Variants in RIPK2 observed in about 807,000 individuals in gnomAD.
RIPK2 encodes the protein receptor-interacting serine/threonine-protein kinase 2.
Under a neutral mutation model 60.9 loss-of-function variants are expected in RIPK2, and 38 were observed. That is an observed-to-expected ratio of 0.62 (90% CI 0.48 to 0.82). RIPK2 has a LOEUF of 0.82. Among genes scored for constraint, RIPK2 ranks in the 40% least tolerant of loss-of-function variants. The pLI is 0.00. For synonymous variants in RIPK2, 225 were observed against 223.4 expected, an observed-to-expected ratio of 1.01 and a Z score of -0.06; for missense variants, 518 against 647.0, an observed-to-expected ratio of 0.80 and a Z score of 2.16.
intron 1 of RIPK2, 108 bp from the exon 2 acceptor site, chr8:89,762,721 A>G: frequency 7.8e-6 from 4 of 510,076 alleles, no homozygotes; most frequent in Non-Finnish European, 1.3e-5. Flanking sequence ...CATAATTTAC[A>G]TGAGGTCACA....
rs1238263026 is a variant in RIPK2, at chr8:89,758,000, G to GT, written c.-61_-60insT. On this transcript the variant is annotated 5_prime_UTR_variant, in exon 1 of 11. Coordinates refer to ENST00000220751, the MANE Select transcript of RIPK2 (RefSeq NM_003821.6). ...TATCTGGGCGCCTGAGCGCGGCGTG[G>GT]GAGCCTTGGGAGCCGCCGCAGCAGG... is the stretch of plus-strand genomic sequence containing the variant. 1 of 1,471,492 alleles carries GT rather than the reference G, an allele frequency of 6.8e-7. No individual in the cohort carries two copies. The highest frequency in any genetic ancestry group is 1.4e-5 in the African/African-American group (1 of 70,342). 91.2% of individuals were successfully genotyped at this position (1,471,492 alleles called of 1,614,324 possible).
rs1353304264 is a variant in RIPK2 at position 89,772,714 on chromosome 8, C to A, written c.739C>A (p.Arg247=). 18 of 1,611,108 alleles carry A rather than the reference C, an allele frequency of 1.1e-5. No homozygotes were observed. Among genetic ancestry groups the A allele is most frequent in the Non-Finnish European group, 1.5e-5 (18 of 1,177,928 alleles). Residue 247 remains arginine (R), a synonymous_variant, in exon 6 of 11, where the codon CGA becomes AGA. Coordinates refer to ENST00000220751, the MANE Select transcript of RIPK2 (RefSeq NM_003821.6). The part of the protein sequence containing the change: ...QIMYSVSQGH[R]PVINEESLPY... ...AATGTATAGTGTGTCACAAGGACAT[C>A]GACCTGTTATTAATGAAGAAAGTTT...
intron 8 of RIPK2, among the ~76,000 whole-genome samples, chr8:89,785,970 C>G (rs1490012703): frequency 1.3e-5 from 2 of 152,132 alleles, no homozygotes; most frequent in Admixed American, 6.5e-5. Flanking sequence ...TGTAGGAGAC[C>G]AGACTTGCAG....
Position 89,762,833 on chromosome 8 carries a change from A to T in RIPK2, c.178A>T (p.Arg60Ter). The change falls in exon 2 of 11, where the codon AGA becomes TGA. Residue 60 changes from arginine to a stop codon, truncating the protein, a stop_gained. Transcript: ENST00000220751. LOFTEE classifies it high-confidence loss of function. Reference protein sequence around the residue: ...HIHTPLLDSERKDVLREAEIL... With the variant: ...HIHTPLLDSE ...TTATGCATTTTTTTTTCTTAGTGAA[A>T]GAAAGGATGTCTTAAGAGAAGCTGA... is the stretch of plus-strand genomic sequence containing the variant. The T allele has an allele frequency of 7.2e-7, 1 of 1,388,382 alleles. No individual in the cohort carries two copies. The highest frequency in any genetic ancestry group is 9.6e-7 in the Non-Finnish European group (1 of 1,039,160). The allele number at this position is 1,388,382 out of a possible 1,614,324, so 86.0% of individuals were successfully genotyped here.
intron 1 of RIPK2, among the ~76,000 whole-genome samples, chr8:89,762,556 C>T (rs367957635): frequency 7.9e-5 from 12 of 152,026 alleles, no homozygotes; most frequent in African/African-American, 2.7e-4. Flanking sequence ...TTTCCCATTC[C>T]TGGGATAAGT....
chr8:89,766,726 G>A (rs907787201), intron 3 of RIPK2, among the ~76,000 whole-genome samples: 2 of 151,422 alleles, frequency 1.3e-5, no homozygotes, highest in Non-Finnish European at 3.0e-5. Flanking sequence ...ATCTCATCTT[G>A]GTATTAATTT....
chr8:89,763,174 G>T (rs375268752), intron 2 of RIPK2, among the ~76,000 whole-genome samples, 192 bp downstream of exon 2: 3 of 152,024 alleles, frequency 2.0e-5, no homozygotes, highest in East Asian at 1.9e-4. Flanking sequence ...GTGGATTCAG[G>T]CCCTGTACTC....
In RIPK2 at chr8:89,772,703, C is replaced by T; in HGVS notation, c.728C>T (p.Ser243Leu). The T allele has an allele frequency of 6.2e-7, 1 of 1,610,834 alleles. No homozygotes were observed. The highest frequency in any genetic ancestry group is 8.5e-7 in the Non-Finnish European group (1 of 1,177,936). ...TNPLQIMYSV[S>L]QGHRPVINEE... ...CCTTTGCAGATAATGTATAGTGTGTCACAAGGACATCGACCTGTTATTAAT... is the reference window on the plus strand; with the variant it reads ...CCTTTGCAGATAATGTATAGTGTGTTACAAGGACATCGACCTGTTATTAAT... The change falls in exon 6 of 11, where the codon TCA becomes TTA. Residue 243 changes from serine to leucine, a missense_variant. Around this residue, in one of 3 missense-constraint regions of RIPK2, gnomAD observed 448 missense variants for 534.7 expected, o/e 0.84. Coordinates refer to ENST00000220751, the MANE Select transcript of RIPK2 (RefSeq NM_003821.6).
At chr8:89,777,364 C>A (rs1809416094) in intron 6 of RIPK2, among the ~76,000 whole-genome samples, 1 of 152,198 alleles carries the variant, frequency 6.6e-6, no homozygotes, top group Non-Finnish European at 1.5e-5. Context: ...TATACCCTTC[C>A]TCATGGCTCT....
rs967897501 is a variant in RIPK2, at chr8:89,784,144, A to T, written c.1029+5A>T. The T allele has an allele frequency of 2.6e-3, 812 of 311,228 alleles. 2 individuals carry two copies. The highest frequency in any genetic ancestry group is 6.4e-3 in the Middle Eastern group (5 of 786). 19.3% of individuals were successfully genotyped at this position (311,228 alleles called of 1,614,324 possible). On this transcript the variant is annotated splice_donor_5th_base_variant and intron_variant, in intron 8 of 10. Transcript: ENST00000220751. ...GTAAATCATGGTCCACAAGAGGTAA[A>T]AAAAAAAAAAAAAAAAAAAAGGTTA...
chr8:89,776,807 C>T (rs780215940), intron 6 of RIPK2, among the ~76,000 whole-genome samples: 1 of 152,116 alleles, frequency 6.6e-6, no homozygotes, highest in Non-Finnish European at 1.5e-5. Context: ...CCACTTCTGG[C>T]CAAGATGGAG....
rs1382905838 is a variant in RIPK2, at chr8:89,790,363, CT to C, written c.1572del (p.Val525TrpfsTer8). The stretch of plus-strand genomic sequence containing the variant: ...GGGTCTTCAGCCTTACCCGGAAATA[CT>C]TGTGGTTTCTAGATCACCATCTTTA... ...QMGLQPYPEI[L>X]VVSRSPSLNL... On this transcript the variant is annotated frameshift_variant, in exon 11 of 11. Transcript: ENST00000220751. LOFTEE classifies it high-confidence loss of function. 1.2e-6 allele frequency: 2 copies of C among 1,611,070 alleles called. No individual in the cohort carries two copies. Among genetic ancestry groups the C allele is most frequent in the Non-Finnish European group, 1.7e-6 (2 of 1,178,932 alleles).
At chr8:89,785,719 T>A (rs975171596) in intron 8 of RIPK2, among the ~76,000 whole-genome samples, 7 of 152,234 alleles carry the variant, frequency 4.6e-5, no homozygotes, top group African/African-American at 1.7e-4. Flanking sequence ...TATCACATTT[T>A]TAATCACTTG....
chr8:89,782,318 ATTGT>A (rs1809514645), intron 7 of RIPK2, among the ~76,000 whole-genome samples: 1 of 152,200 alleles, frequency 6.6e-6, no homozygotes, highest in Admixed American at 6.5e-5. Context: ...AAACTTATGA[ATTGT>A]TTATTTCTAG....
At chr8:89,775,403 A>G (rs1809380393) in intron 6 of RIPK2, among the ~76,000 whole-genome samples, 1 of 152,160 alleles carries the variant, frequency 6.6e-6, no homozygotes, top group African/African-American at 2.4e-5. Flanking sequence ...GTGAGCCTTG[A>G]TTGTGCCACT....
At chr8:89,783,761 C>T (rs1211422829) in intron 7 of RIPK2, among the ~76,000 whole-genome samples, 1 of 152,156 alleles carries the variant, frequency 6.6e-6, no homozygotes, top group African/African-American at 2.4e-5. Flanking sequence ...AGCTCAATCT[C>T]TAGAACCATC....
At chr8:89,764,221 G>A (rs1179150768) in intron 2 of RIPK2, among the ~76,000 whole-genome samples, 4 of 152,132 alleles carry the variant, frequency 2.6e-5, no homozygotes, top group Non-Finnish European at 4.4e-5. Flanking sequence ...AGGCCTCTGT[G>A]TATGCCAGAG....
At chr8:89,764,314 C>G (rs996116379) in intron 2 of RIPK2, among the ~76,000 whole-genome samples, 1 of 152,008 alleles carries the variant, frequency 6.6e-6, no homozygotes, top group African/African-American at 2.4e-5. Flanking sequence ...TCTTGAAGTG[C>G]CCTCCCCCAA....
intron 7 of RIPK2, among the ~76,000 whole-genome samples, chr8:89,781,579 T>A (rs901578930): frequency 7.3e-5 from 11 of 151,714 alleles, no homozygotes; most frequent in South Asian, 2.1e-4. Context: ...GTTCTTTTTT[T>A]TAAAAAAAAT....
Sources: gnomAD v4.1 joint callset for allele counts (sites outside exome capture counted in the v4.1 genomes callset) on GRCh38, gnomAD v4.1.1 for gene constraint, gnomAD v4.1.1 regional missense constraint, MANE v1.5 for transcripts, NCBI Gene and HGNC (gene_info 2026-07-23, HGNC 2026-07-21) for gene names.